CTIF: variants seen among roughly 807,000 people sequenced by gnomAD.
CTIF encodes the protein cap binding complex dependent translation initiation factor, also known as CBP80/20-dependent translation initiation factor.
CTIF carries 21 observed loss-of-function variants against 66.0 expected under a neutral mutation model. The ratio of observed to expected loss-of-function variants is 0.32; its 90% confidence interval spans 0.23 to 0.46. CTIF has a LOEUF of 0.46. Among genes scored for constraint, CTIF ranks in the 20% least tolerant of loss-of-function variants. The pLI, the probability that CTIF is intolerant of heterozygous loss-of-function variation, is 1.00. For synonymous variants in CTIF, 345 were observed against 326.4 expected (o/e 1.06, Z -0.62); for missense variants, 739 against 812.7 (o/e 0.91, Z 1.10).
chr18:48,819,300 G>A (rs538397403), intron 10 of CTIF, among the ~76,000 whole-genome samples: 1 of 152,266 alleles, frequency 6.6e-6, no homozygotes, highest in Non-Finnish European at 1.5e-5. Flanking sequence ...ATGACATGGA[G>A]GCTAGGAGCG....
intron 6 of CTIF, among the ~76,000 whole-genome samples, chr18:48,709,437 C>T (rs1191859612): frequency 6.6e-6 from 1 of 152,230 alleles, no homozygotes; most frequent in Non-Finnish European, 1.5e-5. Flanking sequence ...GGTAAGGAGG[C>T]CAGGAGGTAG....
chr18:48,797,502 G>C (rs1213863765), intron 9 of CTIF, among the ~76,000 whole-genome samples: 6 of 148,242 alleles, frequency 4.0e-5, no homozygotes, highest in African/African-American at 1.5e-4. Context: ...AGGGGTGGGG[G>C]GGCAAGTTTC....
intron 1 of CTIF, among the ~76,000 whole-genome samples, chr18:48,607,058 G>A (rs1020407783): frequency 3.9e-5 from 6 of 151,940 alleles, no homozygotes; most frequent in Non-Finnish European, 7.4e-5. Context: ...AACAATCTGT[G>A]GGGAATACAA....
chr18:48,603,591 A>T (rs1279927461), intron 1 of CTIF, among the ~76,000 whole-genome samples: 1 of 135,594 alleles, frequency 7.4e-6, no homozygotes, highest in African/African-American at 2.8e-5. Context: ...GGCTGGGTGG[A>T]TAGATGGATG....
chr18:48,841,525 G>C (rs542760248), intron 10 of CTIF, among the ~76,000 whole-genome samples: 4 of 152,222 alleles, frequency 2.6e-5, no homozygotes, highest in East Asian at 1.9e-4. Context: ...AGCCAGGCCC[G>C]GCGTTCTGAG....
In CTIF at chr18:48,798,894, G is replaced by A. The variant is rs369701469; in HGVS notation, c.1372-18327G>A. Among the ~76,000 whole-genome samples, 7 of 152,272 alleles carry A rather than the reference G, an allele frequency of 4.6e-5. No homozygotes were observed. In the South Asian group the frequency reaches 8.3e-4, roughly 18 times the overall value. ...TGGCATTGAGTGGGCAGATGCCTAC[G>A]GTGCACAGGACAGCACCCCCCAAGA... is the stretch of plus-strand genomic sequence containing the variant. On this transcript the variant is annotated intron_variant, in intron 9 of 11. Coordinates refer to ENST00000256413, the MANE Select transcript of CTIF (RefSeq NM_014772.3).
chr18:48,544,792 C>A (rs540019415), intron 1 of CTIF, among the ~76,000 whole-genome samples: 5 of 152,298 alleles, frequency 3.3e-5, no homozygotes, highest in South Asian at 2.1e-4. Context: ...GCAGTCGGTG[C>A]GAGCTTCACA....
At chr18:48,705,659 C>T (rs954798520) in intron 6 of CTIF, among the ~76,000 whole-genome samples, 4 of 152,238 alleles carry the variant, frequency 2.6e-5, no homozygotes, top group African/African-American at 4.8e-5. Flanking sequence ...CAACGGTCCT[C>T]GGAATGCCAG....
intron 7 of CTIF, among the ~76,000 whole-genome samples, chr18:48,713,865 T>G (rs2092253653): frequency 6.6e-6 from 1 of 152,214 alleles, no homozygotes; most frequent in South Asian, 2.1e-4. Flanking sequence ...GGGGCAACAC[T>G]GTGCAAGTCA....
At chr18:48,667,972 T>G (rs2091463922) in intron 5 of CTIF, among the ~76,000 whole-genome samples, 1 of 152,212 alleles carries the variant, frequency 6.6e-6, no homozygotes, top group African/African-American at 2.4e-5. Context: ...TTGCCAAGGC[T>G]CCCTGCAGCC....
intron 1 of CTIF, among the ~76,000 whole-genome samples, chr18:48,615,624 G>A (rs182309177): frequency 2.5e-3 from 386 of 152,350 alleles, no homozygotes; most frequent in African/African-American, 8.8e-3. Context: ...GAGCATGCCT[G>A]GAATTGTCTG....
chr18:48,669,164 A>G (rs1006499599), intron 5 of CTIF, among the ~76,000 whole-genome samples: 4 of 151,486 alleles, frequency 2.6e-5, no homozygotes, highest in African/African-American at 9.7e-5. Flanking sequence ...AGGGCCATCC[A>G]CTGTCTGAGG....
chr18:48,575,032 T>C (rs77760977), intron 1 of CTIF, among the ~76,000 whole-genome samples: 11,208 of 152,218 alleles, frequency 0.074, 483 homozygotes, highest in South Asian at 0.1. Flanking sequence ...TTCAGAATTT[T>C]GCTCCTTGGA....
chr18:48,852,233 TAAAAAAAAAAAA>T (rs10591389), intron 10 of CTIF, among the ~76,000 whole-genome samples: 6,112 of 66,778 alleles, frequency 0.092, 634 homozygotes, highest in African/African-American at 0.29. Flanking sequence ...GACCCTGTCT[TAAAAAAAAAAAA>T]AAAAAAAAAA....
At chr18:48,699,527 G>C (rs1598892404) in intron 6 of CTIF, among the ~76,000 whole-genome samples, 1 of 152,192 alleles carries the variant, frequency 6.6e-6, no homozygotes. Context: ...TGGGAGCTTA[G>C]CAGGTGGTTA....
At chr18:48,550,689 C>A (rs1410738451) in intron 1 of CTIF, among the ~76,000 whole-genome samples, 1 of 152,162 alleles carries the variant, frequency 6.6e-6, no homozygotes, top group East Asian at 1.9e-4. Flanking sequence ...TCCCTGCCTC[C>A]TCATCATTCC....
At chr18:48,654,504 G>T (rs2091210912) in intron 3 of CTIF, among the ~76,000 whole-genome samples, 1 of 152,176 alleles carries the variant, frequency 6.6e-6, no homozygotes, top group African/African-American at 2.4e-5. Context: ...GGAGAAATAG[G>T]AACACTTTTA....
At chr18:48,732,960 T>C (rs894863389) in intron 7 of CTIF, among the ~76,000 whole-genome samples, 1 of 152,188 alleles carries the variant, frequency 6.6e-6, no homozygotes, top group Non-Finnish European at 1.5e-5. Context: ...TCAGACAAGA[T>C]TGGGCATGTT....
At chr18:48,585,617 CTCTT>C (rs1483115936) in intron 1 of CTIF, among the ~76,000 whole-genome samples, 2 of 152,204 alleles carry the variant, frequency 1.3e-5, no homozygotes, top group Admixed American at 1.3e-4. Flanking sequence ...TCCTCCAAAA[CTCTT>C]TGAAGAATCT....
Sources: gnomAD v4.1 joint callset for allele counts (sites outside exome capture counted in the v4.1 genomes callset) on GRCh38, gnomAD v4.1.1 for gene constraint, MANE v1.5 for transcripts, NCBI Gene and HGNC (gene_info 2026-07-23, HGNC 2026-07-21) for gene names.